EFNA3: variants seen among roughly 807,000 people sequenced by gnomAD.
The protein encoded by EFNA3 is ephrin-A3.
A neutral mutation model predicts 25.0 loss-of-function variants in EFNA3; 15 were observed. The ratio of observed to expected loss-of-function variants is 0.60; its 90% CI spans 0.40 to 0.92. EFNA3 has a LOEUF of 0.92. Ranked by LOEUF, EFNA3 falls within the 40% of genes least tolerant of loss-of-function variation. EFNA3 has a pLI of 0.00. For missense variants in EFNA3, 298 were observed against 323.8 expected, an observed-to-expected ratio of 0.92 and a Z score of 0.61; for synonymous variants, 153 against 145.6, an observed-to-expected ratio of 1.05 and a Z score of -0.37.
Position 155,085,982 on chromosome 1 carries a change from C to T in EFNA3, c.508+40C>T, listed in dbSNP as rs1465987153. The T allele has an allele frequency of 1.3e-6, 2 of 1,588,970 alleles. No homozygotes were observed. The highest frequency in any genetic ancestry group is 1.8e-5 in the Admixed American group (1 of 56,596). On this transcript the variant is annotated intron_variant, in intron 3 of 4. Coordinates refer to ENST00000368408, the MANE Select transcript of EFNA3 (RefSeq NM_004952.5). The surrounding 1 kb of genome is among the most constrained non-coding windows in gnomAD (Gnocchi z 4.4). ...CTCCGAGCCGCGCCCCCATCCTCAGCTCCCTGCTTTGGGGCTCCCCTGGCT... is the reference window on the plus strand; with the variant it reads ...CTCCGAGCCGCGCCCCCATCCTCAGTTCCCTGCTTTGGGGCTCCCCTGGCT...
rs1454966247 is a variant in EFNA3, at chr1:155,081,319, AG to A, written c.128+2252del. Among the ~76,000 whole-genome samples the A allele has an allele frequency of 2.0e-5, 3 of 152,206 alleles. No individual in the cohort carries two copies. Among genetic ancestry groups the A allele is most frequent in the Non-Finnish European group, 4.4e-5 (3 of 68,030 alleles). On this transcript the variant is annotated intron_variant, in intron 1 of 4. Transcript: ENST00000368408. This position sits in a 1 kb window ranked among gnomAD's most constrained non-coding sequence, Gnocchi z 5.2. ...TATTGGAGCGATGCATTAGAGTATG[AG>A]GTCGAGGAGTCCCCTAAGCCGGGAA...
rs769269146 is a variant in EFNA3, at chr1:155,086,560, G to GT, written c.*17_*18insT. The stretch of plus-strand genomic sequence containing the variant: ...GCCTCCTAGCTCTGCCCCCTCCCCT[G>GT]GGGGGGGAGAGATGGGGCGGGGCTT... On this transcript the variant is annotated 3_prime_UTR_variant, in exon 5 of 5. Transcript: ENST00000368408. 9 of 1,559,668 alleles carry GT rather than the reference G, an allele frequency of 5.8e-6. No individual in the cohort carries two copies. The highest frequency in any genetic ancestry group is 6.9e-6 in the Non-Finnish European group (8 of 1,162,696).
intron 1 of EFNA3, among the ~76,000 whole-genome samples, chr1:155,084,189 CAAT>C (rs1663400361): frequency 6.6e-6 from 1 of 152,232 alleles, no homozygotes; most frequent in South Asian, 2.1e-4. Context: ...AGGAGGTGCA[CAAT>C]GAGACAGAAG....
Position 155,087,426 on chromosome 1 carries a change from C to A in EFNA3, c.*883C>A, listed in dbSNP as rs943034016. On this transcript the variant is annotated 3_prime_UTR_variant, in exon 5 of 5. Coordinates refer to ENST00000368408, the MANE Select transcript of EFNA3 (RefSeq NM_004952.5). The stretch of plus-strand genomic sequence containing the variant: ...CGGGAACCATCTCCCAGGACCTTGC[C>A]CTGCTCACCCTATGTGGTCCCACCT... 6.5e-6 allele frequency: 1 copy of A among 152,896 alleles called. No homozygotes were observed. The highest frequency in any genetic ancestry group is 2.4e-5 in the African/African-American group (1 of 41,446). The allele number at this position is 152,896 out of a possible 1,614,324, so 9.5% of individuals were successfully genotyped here.
intron 1 of EFNA3, among the ~76,000 whole-genome samples, chr1:155,082,686 A>G (rs979037882): frequency 5.9e-5 from 9 of 152,182 alleles, no homozygotes; most frequent in Non-Finnish European, 1.0e-4. Flanking sequence ...AAGAGAGAAC[A>G]GTACGAAGGG....
rs994406829 is a variant in EFNA3 at position 155,081,853 on chromosome 1, T to TC, written c.128+2789dup. The stretch of plus-strand genomic sequence containing the variant: ...CACCCTCCCCTTGTCGGTGTGTGTC[T>TC]CCCCCTCACTCCGTCTCTGTGTCTC... On this transcript the variant is annotated intron_variant, in intron 1 of 4. Coordinates refer to ENST00000368408, the MANE Select transcript of EFNA3 (RefSeq NM_004952.5). This position sits in a 1 kb window ranked among gnomAD's most constrained non-coding sequence, Gnocchi z 5.2. Among the ~76,000 whole-genome samples the TC allele has an allele frequency of 2.0e-5, 3 of 152,098 alleles. No homozygotes were observed. Among genetic ancestry groups the TC allele is most frequent in the African/African-American group, 7.2e-5 (3 of 41,400 alleles).
chr1:155,082,235 C>T (rs1301816506), intron 1 of EFNA3, among the ~76,000 whole-genome samples: 1 of 152,192 alleles, frequency 6.6e-6, no homozygotes, highest in African/African-American at 2.4e-5. Context: ...CGGGGGCGCG[C>T]GCTAGAGGGA....
chr1:155,086,554 T>A lies in EFNA3; in HGVS notation c.*11T>A, dbSNP rs750205801. On this transcript the variant is annotated 3_prime_UTR_variant, in exon 5 of 5. Transcript: ENST00000368408. ...TTCTTGGCCTCCTAGCTCTGCCCCC[T>A]CCCCTGGGGGGGGAGAGATGGGGCG... is the stretch of plus-strand genomic sequence containing the variant. 1 of 1,603,114 alleles carries A rather than the reference T, an allele frequency of 6.2e-7. No individual in the cohort carries two copies. The highest frequency in any genetic ancestry group is 1.5e-5 in the African/African-American group (1 of 66,350).
intron 4 of EFNA3, 74 bp from the exon 5 acceptor site, chr1:155,086,339 A>AC (rs200832223): frequency 6.8e-7 from 1 of 1,468,414 alleles, no homozygotes; most frequent in Non-Finnish European, 9.3e-7. Flanking sequence ...CCCTGGCTCC[A>AC]TTGCTGCTGC....
chr1:155,082,202 C>G (rs1663355309), intron 1 of EFNA3, among the ~76,000 whole-genome samples: 1 of 152,206 alleles, frequency 6.6e-6, no homozygotes, highest in South Asian at 2.1e-4. Flanking sequence ...GCCTCGCCTG[C>G]TGGAGCGGGC....
rs1254227036 is a variant in EFNA3, at chr1:155,079,076, C to T, written c.128+7C>T. 8 of 1,323,670 alleles carry T rather than the reference C, an allele frequency of 6.0e-6. No individual in the cohort carries two copies. In the South Asian group the frequency reaches 8.5e-5, roughly 14 times the overall value. The allele number at this position is 1,323,670 out of a possible 1,614,324, so 82.0% of individuals were successfully genotyped here. A position where few individuals can be genotyped will look rare whatever the true frequency, so the allele number is the denominator to read the frequency against. ...GGAACAGCTCCAACCAGCAGTGAGTCGGGGACCCTGGGAGTCCGCGCGTCC... is the reference window on the plus strand; with the variant it reads ...GGAACAGCTCCAACCAGCAGTGAGTTGGGGACCCTGGGAGTCCGCGCGTCC... On this transcript the variant is annotated splice_region_variant and intron_variant, in intron 1 of 4. Coordinates refer to ENST00000368408, the MANE Select transcript of EFNA3 (RefSeq NM_004952.5). The surrounding 1 kb of genome is among the most constrained non-coding windows in gnomAD (Gnocchi z 7.7).
rs935304003 is a variant in EFNA3 at position 155,086,737 on chromosome 1, G to A, written c.*194G>A. The A allele has an allele frequency of 4.4e-6, 3 of 676,410 alleles. No individual in the cohort carries two copies. Among genetic ancestry groups the A allele is most frequent in the Non-Finnish European group, 7.2e-6 (3 of 419,384 alleles). 41.9% of individuals were successfully genotyped at this position (676,410 alleles called of 1,614,324 possible). The stretch of plus-strand genomic sequence containing the variant: ...TAGGGCACTGTAGTGGACCAAGCAC[G>A]GGGACAGCCATGGGTCCCGGGCGGC... On this transcript the variant is annotated 3_prime_UTR_variant, in exon 5 of 5. Coordinates refer to ENST00000368408, the MANE Select transcript of EFNA3 (RefSeq NM_004952.5).
chr1:155,081,055 T>C lies in EFNA3; in HGVS notation c.128+1986T>C, dbSNP rs928028918. Among the ~76,000 whole-genome samples, 1 of 152,132 alleles carries C rather than the reference T, an allele frequency of 6.6e-6. No homozygotes were observed. The highest frequency in any genetic ancestry group is 2.4e-5 in the African/African-American group (1 of 41,418). On this transcript the variant is annotated intron_variant, in intron 1 of 4. Coordinates refer to ENST00000368408, the MANE Select transcript of EFNA3 (RefSeq NM_004952.5). This position sits in a 1 kb window ranked among gnomAD's most constrained non-coding sequence, Gnocchi z 5.2. ...TAGTCACGTGAGCTGGGCTCCTGGC[T>C]CCCACCTCCCGTCACGTGCGGAGGG...
rs944211112 is a variant in EFNA3, at chr1:155,080,424, G to A, written c.128+1355G>A. ...TCTCGCTTCCCATGGAAACCTCGGGGGTGGGGACGTGGCCCCTCCCCCCCG... is the reference window on the plus strand; with the variant it reads ...TCTCGCTTCCCATGGAAACCTCGGGAGTGGGGACGTGGCCCCTCCCCCCCG... On this transcript the variant is annotated intron_variant, in intron 1 of 4. Coordinates refer to ENST00000368408, the MANE Select transcript of EFNA3 (RefSeq NM_004952.5). The surrounding 1 kb of genome is among the most constrained non-coding windows in gnomAD (Gnocchi z 7.0). Among the ~76,000 whole-genome samples the A allele has an allele frequency of 6.6e-6, 1 of 152,156 alleles. No individual in the cohort carries two copies. The highest frequency in any genetic ancestry group is 6.5e-5 in the Admixed American group (1 of 15,290).
chr1:155,081,300 A>T lies in EFNA3; in HGVS notation c.128+2231A>T, dbSNP rs538437685. Among the ~76,000 whole-genome samples, 15 of 152,272 alleles carry T rather than the reference A, an allele frequency of 9.9e-5. No homozygotes were observed. The South Asian group carries it at 1.4e-3, about 15-fold the overall frequency. ...ACTAGGGATGGGGGGACTGTATTGG[A>T]GCGATGCATTAGAGTATGAGGTCGA... On this transcript the variant is annotated intron_variant, in intron 1 of 4. Coordinates refer to ENST00000368408, the MANE Select transcript of EFNA3 (RefSeq NM_004952.5). The surrounding 1 kb of genome is among the most constrained non-coding windows in gnomAD (Gnocchi z 5.2).
chr1:155,082,694 G>C (rs923594633), intron 1 of EFNA3, among the ~76,000 whole-genome samples: 2 of 152,220 alleles, frequency 1.3e-5, no homozygotes, highest in African/African-American at 4.8e-5. Context: ...ACAGTACGAA[G>C]GGGCAGGGCA....
chr1:155,086,681 G>C lies in EFNA3; in HGVS notation c.*138G>C. 9.1e-7 allele frequency: 1 copy of C among 1,100,874 alleles called. No homozygotes were observed. Among genetic ancestry groups the C allele is most frequent in the South Asian group, 1.6e-5 (1 of 64,150 alleles). The allele number at this position is 1,100,874 out of a possible 1,614,324, so 68.2% of individuals were successfully genotyped here. A position where few individuals can be genotyped will look rare whatever the true frequency, so the allele number is the denominator to read the frequency against. On this transcript the variant is annotated 3_prime_UTR_variant, in exon 5 of 5. Coordinates refer to ENST00000368408, the MANE Select transcript of EFNA3 (RefSeq NM_004952.5). ...GAAGTGGGGCCTGCACCATACATCT[G>C]TGTCCGCCCCCTCTACCCCTTCCCC...
chr1:155,084,101 C>T (rs979244068), intron 1 of EFNA3, among the ~76,000 whole-genome samples: 4 of 152,184 alleles, frequency 2.6e-5, no homozygotes, highest in East Asian at 3.8e-4. Context: ...AAATAAGAGG[C>T]GCAGCCATCT....
chr1:155,085,757 G>A lies in EFNA3; in HGVS notation c.443-120G>A. 1 of 1,187,966 alleles carries A rather than the reference G, an allele frequency of 8.4e-7. No individual in the cohort carries two copies. The highest frequency in any genetic ancestry group is 1.2e-6 in the Non-Finnish European group (1 of 828,040). The allele number at this position is 1,187,966 out of a possible 1,614,324, so 73.6% of individuals were successfully genotyped here. A position where few individuals can be genotyped will look rare whatever the true frequency, so the allele number is the denominator to read the frequency against. ...AAGTGACCCGTGTCCAAAGGGTAGGGGAGCTCCTGAAGGAGACCGCCCGAC... is the reference window on the plus strand; with the variant it reads ...AAGTGACCCGTGTCCAAAGGGTAGGAGAGCTCCTGAAGGAGACCGCCCGAC... On this transcript the variant is annotated intron_variant, in intron 2 of 4. Coordinates refer to ENST00000368408, the MANE Select transcript of EFNA3 (RefSeq NM_004952.5). This position sits in a 1 kb window ranked among gnomAD's most constrained non-coding sequence, Gnocchi z 4.4.
Sources: gnomAD v4.1 joint callset for allele counts (sites outside exome capture counted in the v4.1 genomes callset) on GRCh38, gnomAD v4.1.1 for gene constraint, Gnocchi (gnomAD v3.1) non-coding constraint, MANE v1.5 for transcripts, NCBI Gene and HGNC (gene_info 2026-07-23, HGNC 2026-07-21) for gene names.